HTR2A: variants seen among roughly 807,000 people sequenced by gnomAD.
HTR2A encodes 5-HT2 receptor.
Under a neutral mutation model 31.0 loss-of-function variants are expected in HTR2A, and 14 were observed. That is an observed-to-expected ratio of 0.45 (90% CI 0.30 to 0.71). HTR2A has a LOEUF of 0.71. Among genes scored for constraint, HTR2A ranks in the 30% least tolerant of loss-of-function variants. HTR2A has a pLI of 0.09. For synonymous variants in HTR2A, 209 were observed against 225.2 expected, an observed-to-expected ratio of 0.93 and a Z score of 0.64; for missense variants, 442 against 573.3, an observed-to-expected ratio of 0.77 and a Z score of 2.34.
chr13:46,847,101 A>C (rs1205604274), intron 3 of HTR2A, among the ~76,000 whole-genome samples: 1 of 152,218 alleles, frequency 6.6e-6, no homozygotes, highest in Admixed American at 6.5e-5. Flanking sequence ...TGGGAATTTG[A>C]GTTTCGATTC....
chr13:46,837,705 C>T (rs181819695), intron 3 of HTR2A, among the ~76,000 whole-genome samples: 9 of 152,308 alleles, frequency 5.9e-5, no homozygotes, highest in South Asian at 2.1e-4. Context: ...AACAGAGTTC[C>T]GCTTCATCCA....
At position 46,896,774 on chromosome 13, in the gene HTR2A, T is replaced by G; in HGVS notation, c.-429A>C. On this transcript the variant is annotated 5_prime_UTR_variant, in exon 1 of 4. Transcript: ENST00000542664. ...GGTGTAGAGTCCCCTCTTCTTGATC[T>G]TCCACCAGCATAATATGATAGTAAT... is the stretch of plus-strand genomic sequence containing the variant. 2 of 1,536,454 alleles carry G rather than the reference T, an allele frequency of 1.3e-6. No homozygotes were observed. Among genetic ancestry groups the G allele is most frequent in the Admixed American group, 2.0e-5 (1 of 50,950 alleles).
intron 3 of HTR2A, among the ~76,000 whole-genome samples, chr13:46,864,415 C>T (rs1950804364): frequency 6.6e-6 from 1 of 152,110 alleles, no homozygotes; most frequent in Admixed American, 6.6e-5. Flanking sequence ...TTCATAAAAT[C>T]CTTGTAATTA....
intron 3 of HTR2A, among the ~76,000 whole-genome samples, chr13:46,866,827 G>A (rs1368294996): frequency 6.6e-6 from 1 of 152,216 alleles, no homozygotes; most frequent in Non-Finnish European, 1.5e-5. Context: ...AGGAGTTCGA[G>A]ACCAGCCTGG....
At chr13:46,838,535 G>T (rs567472535) in intron 3 of HTR2A, among the ~76,000 whole-genome samples, 159 of 152,116 alleles carry the variant, frequency 1.0e-3, no homozygotes, top group African/African-American at 3.8e-3. Flanking sequence ...TGCTTAGTTT[G>T]TATACACTAG....
At chr13:46,891,929 G>A (rs1951056186) in intron 3 of HTR2A, among the ~76,000 whole-genome samples, 1 of 152,176 alleles carries the variant, frequency 6.6e-6, no homozygotes, top group Non-Finnish European at 1.5e-5. Context: ...GCAAATCCTG[G>A]CACTTTCCTC....
intron 3 of HTR2A, among the ~76,000 whole-genome samples, chr13:46,850,307 C>T (rs1250193606): frequency 6.6e-6 from 1 of 152,192 alleles, no homozygotes; most frequent in Non-Finnish European, 1.5e-5. Context: ...TACTGTGCTC[C>T]AGGCACTATC....
Position 46,834,082 on chromosome 13 carries a change from T to C in HTR2A, c.*755A>G, listed in dbSNP as rs1876346880. On this transcript the variant is annotated 3_prime_UTR_variant, in exon 4 of 4. Coordinates refer to ENST00000542664, the MANE Select transcript of HTR2A (RefSeq NM_000621.5). ...AATGTTAAATCATCCTTTTGCTAGT[T>C]TACCTAGAGGAACAAATATTAAACA... The C allele has an allele frequency of 6.6e-6, 1 of 152,594 alleles. No individual in the cohort carries two copies. The allele number at this position is 152,594 out of a possible 1,614,324, so 9.5% of individuals were successfully genotyped here.
chr13:46,893,227 GA>G (rs1277723610), intron 2 of HTR2A, among the ~76,000 whole-genome samples: 6 of 152,210 alleles, frequency 3.9e-5, no homozygotes, highest in African/African-American at 9.6e-5. Flanking sequence ...GAAAAATAAA[GA>G]AAGGTGTCCT....
intron 3 of HTR2A, among the ~76,000 whole-genome samples, chr13:46,841,010 G>A (rs1474550674): frequency 2.0e-5 from 3 of 152,010 alleles, no homozygotes; most frequent in Non-Finnish European, 2.9e-5. Context: ...TGCTGTTCTC[G>A]TGATAGTGAG....
rs1876397756 is a variant in HTR2A at position 46,835,148 on chromosome 13, C to T, written c.1105G>A (p.Gly369Ser). The change falls in exon 4 of 4, where the codon GGT becomes AGT. Residue 369 changes from glycine to serine, a missense_variant. Physicochemically the swap from Gly to Ser is moderately conservative, Grantham distance 56. Transcript: ENST00000542664. ...GGGTTGACTGCTGAAGAGAGATAAC[C>T]GATCCAAACAAACACATTGAGCAGG... ...GALLNVFVWI[G>S]YLSSAVNPLV... is the part of the protein sequence containing the mutation. 1.2e-6 allele frequency: 2 copies of T among 1,614,036 alleles called. No individual in the cohort carries two copies. The highest frequency in any genetic ancestry group is 1.7e-6 in the Non-Finnish European group (2 of 1,179,972).
chr13:46,868,029 G>GTTAATTC (rs58161277), intron 3 of HTR2A, among the ~76,000 whole-genome samples: 28,070 of 152,042 alleles, frequency 0.18, 2,970 homozygotes, highest in South Asian at 0.3. Flanking sequence ...CAAAGAGACA[G>GTTAATTC]TTAAGTAGCT....
intron 3 of HTR2A, among the ~76,000 whole-genome samples, chr13:46,864,831 G>C (rs532447610): frequency 3.4e-4 from 52 of 152,156 alleles, no homozygotes; most frequent in Admixed American, 5.9e-4. Context: ...GTATAAAAGA[G>C]TGAGATTCGT....
chr13:46,844,430 A>T (rs1317277025), intron 3 of HTR2A, among the ~76,000 whole-genome samples: 1 of 152,226 alleles, frequency 6.6e-6, no homozygotes, highest in African/African-American at 2.4e-5. Flanking sequence ...AAGAAAATGG[A>T]CATTTGTATG....
In HTR2A at chr13:46,895,687, T is replaced by C; in HGVS notation, c.220A>G (p.Lys74Glu). 6.2e-7 allele frequency: 1 copy of C among 1,614,196 alleles called. No homozygotes were observed. The highest frequency in any genetic ancestry group is 8.5e-7 in the Non-Finnish European group (1 of 1,180,018). ...GCTGTCAGTAAAGCAGACCAGTTTT[T>C]TTCCTGGAGATGAAGTAAGGAGAGA... ...SCLSLLHLQE[K>E]NWSALLTAVV... Residue 74 changes from lysine to glutamate, a missense_variant, in exon 2 of 4, where the codon AAA (lysine) becomes GAA (glutamate). Lys to Glu is a moderately conservative substitution (Grantham distance 56). Coordinates refer to ENST00000542664, the MANE Select transcript of HTR2A (RefSeq NM_000621.5). The surrounding 1 kb of genome is among the most constrained non-coding windows in gnomAD (Gnocchi z 4.4).
chr13:46,868,181 G>A (rs899516235), intron 3 of HTR2A, among the ~76,000 whole-genome samples: 7 of 152,182 alleles, frequency 4.6e-5, no homozygotes, highest in Non-Finnish European at 5.9e-5. Flanking sequence ...CAGACTTCAG[G>A]AAGCACATAA....
intron 3 of HTR2A, among the ~76,000 whole-genome samples, chr13:46,839,156 G>A (rs947171248): frequency 1.3e-5 from 2 of 152,046 alleles, no homozygotes; most frequent in African/African-American, 4.8e-5. Context: ...TGTCTGGAAG[G>A]GGGATATTAA....
intron 3 of HTR2A, among the ~76,000 whole-genome samples, chr13:46,890,200 G>C (rs368954277): frequency 6.6e-6 from 1 of 152,190 alleles, no homozygotes; most frequent in African/African-American, 2.4e-5. Context: ...AAAATTAGCC[G>C]GGCGTGGTGG....
At chr13:46,840,068 C>T (rs1403369192) in intron 3 of HTR2A, among the ~76,000 whole-genome samples, 2 of 152,116 alleles carry the variant, frequency 1.3e-5, no homozygotes, top group African/African-American at 4.8e-5. Context: ...TTTCGGGGCT[C>T]TTGTGAAAAA....
Sources: gnomAD v4.1 joint callset for allele counts (sites outside exome capture counted in the v4.1 genomes callset) on GRCh38, gnomAD v4.1.1 for gene constraint, Gnocchi (gnomAD v3.1) non-coding constraint, MANE v1.5 for transcripts, NCBI Gene and HGNC (gene_info 2026-07-23, HGNC 2026-07-21) for gene names.